SYNE1: variants seen among roughly 807,000 people sequenced by gnomAD.
The protein encoded by SYNE1 is spectrin repeat containing nuclear envelope protein 1.
SYNE1 carries 616 observed loss-of-function variants against 1,111.0 expected under a neutral mutation model. That is an observed-to-expected ratio of 0.55 (90% confidence interval 0.52 to 0.59). The LOEUF (loss-of-function observed/expected upper bound fraction) is 0.59. Ranked by LOEUF, SYNE1 falls within the 20% of genes least tolerant of loss-of-function variation. The pLI is 0.00. For synonymous variants in SYNE1, 3,855 were observed against 3,825.8 expected (o/e 1.01, Z -0.28); for missense variants, 10,006 against 10,417.0 (o/e 0.96, Z 1.72).
intron 102 of SYNE1, 55 bp from the exon 103 acceptor site, chr6:152,255,801 G>C (rs748048135): frequency 5.6e-6 from 9 of 1,602,042 alleles, no homozygotes; most frequent in Non-Finnish European, 7.7e-6. Flanking sequence ...GAAAATCCAG[G>C]AAAAATATCA....
intron 41 of SYNE1, 122 bp downstream of exon 41, chr6:152,416,265 G>A (rs377092945): frequency 8.0e-6 from 11 of 1,371,266 alleles, no homozygotes; most frequent in Non-Finnish European, 1.1e-5. Context: ...TTTTGGCAGA[G>A]TGAATTGGGG....
intron 87 of SYNE1, among the ~76,000 whole-genome samples, chr6:152,312,063 C>G (rs924681755): frequency 2.2e-4 from 34 of 152,144 alleles, no homozygotes; most frequent in African/African-American, 6.5e-4. Context: ...GGATTACAGG[C>G]GTGAGCCACT....
intron 97 of SYNE1, among the ~76,000 whole-genome samples, chr6:152,279,455 C>T (rs886098306): frequency 1.3e-5 from 2 of 151,660 alleles, no homozygotes; most frequent in African/African-American, 4.8e-5. Flanking sequence ...GTGGCTCTCA[C>T]CTGTAATCCC....
intron 125 of SYNE1, 147 bp downstream of exon 125, chr6:152,207,825 C>T: frequency 1.2e-6 from 1 of 823,094 alleles, no homozygotes; most frequent in Non-Finnish European, 2.0e-6. Context: ...GTATTGCAAT[C>T]ATTTTGTATA....
chr6:152,282,854 T>C (rs1336620380), intron 96 of SYNE1, among the ~76,000 whole-genome samples: 1 of 152,148 alleles, frequency 6.6e-6, no homozygotes, highest in African/African-American at 2.4e-5. Flanking sequence ...TATATGAATA[T>C]ATTATTTGAC....
At chr6:152,591,273 C>T (rs533607486) in intron 3 of SYNE1, among the ~76,000 whole-genome samples, 1 of 152,240 alleles carries the variant, frequency 6.6e-6, no homozygotes, top group Admixed American at 6.5e-5. Context: ...TATACAGCCA[C>T]AGTAACCAAA....
Position 152,316,982 on chromosome 6 carries a change from G to A in SYNE1, c.16577C>T (p.Ala5526Val). The stretch of plus-strand genomic sequence containing the variant: ...TTCATTGTATTCTTCTAAATGTGAT[G>A]CTGCCTGAAAAACCAGTAACATTAA... ...ENRLSKLNQA[A>V]SHLEEYNEML... The change falls in exon 87 of 146, where the codon GCA (alanine) becomes GTA (valine). Residue 5526 changes from alanine to valine, a missense_variant. By Grantham distance (64) the Ala-to-Val change is moderately conservative (BLOSUM62 0). This residue lies in a region of SYNE1 where 4,955 missense variants were observed against 5,017.2 expected (regional missense o/e 0.99). Transcript: ENST00000367255. The A allele has an allele frequency of 6.2e-7, 1 of 1,613,846 alleles. No homozygotes were observed. Among genetic ancestry groups the A allele is most frequent in the Middle Eastern group, 1.7e-4 (1 of 6,050 alleles).
chr6:152,136,594 C>T (rs1283162264), intron 141 of SYNE1, 24 bp downstream of exon 141: 1 of 1,612,092 alleles, frequency 6.2e-7, no homozygotes, highest in African/African-American at 1.3e-5. Flanking sequence ...CTCTGAGTCA[C>T]CTCCTGCCCA....
chr6:152,145,642 A>C, intron 137 of SYNE1: 1 of 1,245,830 alleles, frequency 8.0e-7, no homozygotes, highest in East Asian at 2.3e-5. Flanking sequence ...CTAGGGGAAA[A>C]AAAGGAAGTC....
chr6:152,578,296 G>C (rs187147509), intron 3 of SYNE1, among the ~76,000 whole-genome samples: 369 of 152,190 alleles, frequency 2.4e-3, no homozygotes, highest in African/African-American at 8.1e-3. Context: ...AATATAATAT[G>C]AAAACTTCAT....
intron 131 of SYNE1, among the ~76,000 whole-genome samples, chr6:152,161,325 A>AT (rs72455598): frequency 1.0e-4 from 15 of 147,082 alleles, no homozygotes; most frequent in East Asian, 2.0e-4. Context: ...TATTTTCTTT[A>AT]TTTTTTTTTA....
intron 88 of SYNE1, 66 bp from the exon 89 acceptor site, chr6:152,310,584 G>A (rs1308485858): frequency 1.9e-6 from 3 of 1,612,098 alleles, no homozygotes; most frequent in Non-Finnish European, 2.5e-6. Context: ...TAACATCACA[G>A]TCAAGAAACC....
chr6:152,410,936 T>C (rs1370859643), intron 42 of SYNE1, among the ~76,000 whole-genome samples: 1 of 152,230 alleles, frequency 6.6e-6, no homozygotes, highest in East Asian at 1.9e-4. Context: ...ATTCTTATGA[T>C]AGGACACTGT....
chr6:152,122,331 G>A lies in SYNE1; in HGVS notation c.*105C>T, dbSNP rs908745066. The A allele has an allele frequency of 1.6e-5, 26 of 1,592,928 alleles. No homozygotes were observed. Among genetic ancestry groups the A allele is most frequent in the Admixed American group, 5.0e-5 (3 of 59,892 alleles). On this transcript the variant is annotated 3_prime_UTR_variant, in exon 146 of 146. Transcript: ENST00000367255. ...GGAGGAGGGCTAAAGCTGCCACACC[G>A]AGGGCTTTCGCCAAGATCAAGGTCC...
chr6:152,427,019 T>G (rs1325458484), intron 38 of SYNE1, among the ~76,000 whole-genome samples: 1 of 152,248 alleles, frequency 6.6e-6, no homozygotes. Flanking sequence ...GAAGCAATTT[T>G]GACTGTTGAA....
intron 4 of SYNE1, among the ~76,000 whole-genome samples, chr6:152,528,444 A>T (rs535946824): frequency 6.6e-5 from 10 of 152,362 alleles, no homozygotes; most frequent in African/African-American, 2.4e-4. Context: ...TATATACCAA[A>T]CAATCAGTTA....
intron 130 of SYNE1, among the ~76,000 whole-genome samples, chr6:152,174,414 G>T (rs1005371067): frequency 3.9e-5 from 6 of 152,024 alleles, no homozygotes; most frequent in African/African-American, 1.5e-4. Context: ...TCTTTATAGT[G>T]CCTTTTCCAG....
intron 30 of SYNE1, among the ~76,000 whole-genome samples, chr6:152,442,960 T>C (rs1196384565): frequency 2.0e-5 from 3 of 152,114 alleles, no homozygotes; most frequent in African/African-American, 7.2e-5. Context: ...AATAAATGAA[T>C]AAATATTTAT....
intron 130 of SYNE1, among the ~76,000 whole-genome samples, chr6:152,170,880 G>A (rs1161610889): frequency 1.3e-5 from 2 of 152,196 alleles, no homozygotes; most frequent in African/African-American, 4.8e-5. Flanking sequence ...GAAGGGACCC[G>A]ATGGGAGATA....
Sources: gnomAD v4.1 joint callset for allele counts (sites outside exome capture counted in the v4.1 genomes callset) on GRCh38, gnomAD v4.1.1 for gene constraint, gnomAD v4.1.1 regional missense constraint, MANE v1.5 for transcripts, NCBI Gene and HGNC (gene_info 2026-07-23, HGNC 2026-07-21) for gene names.